Variants in PRCD observed in about 807,000 individuals in gnomAD.
PRCD encodes the protein photoreceptor disk component PRCD.
Under a neutral mutation model 10.1 loss-of-function variants are expected in PRCD, and 12 were observed. That is an observed-to-expected ratio of 1.18 (90% CI 0.76 to 1.92). The LOEUF is 1.92. PRCD is among the 40% of genes most tolerant of loss of function. PRCD has a pLI of 0.00. For missense variants in PRCD, 61 were observed against 72.2 expected (o/e 0.84, Z 0.56); for synonymous variants, 31 against 26.2 (o/e 1.18, Z -0.56).
chr17:76,530,969 G>A lies in PRCD; in HGVS notation n.45+3136G>A, dbSNP rs1377357650. 2.5e-6 allele frequency: 4 copies of A among 1,577,208 alleles called. No homozygotes were observed. The highest frequency in any genetic ancestry group is 3.4e-6 in the Non-Finnish European group (4 of 1,159,872). Reference sequence around the variant, plus strand: ...GAGGCTGCCCAGCCCACCCTCGCCCGCCTCCTCACGTGGTGGCGTTGGGGA... The same window carrying A: ...GAGGCTGCCCAGCCCACCCTCGCCCACCTCCTCACGTGGTGGCGTTGGGGA... On this transcript the variant is annotated intron_variant and non_coding_transcript_variant, in intron 1 of 4. Transcript: ENST00000397633. The surrounding 1 kb of genome is among the most constrained non-coding windows in gnomAD (Gnocchi z 6.1).
chr17:76,540,391 A>G lies in PRCD; in HGVS notation c.75-114A>G. ...CAGAGCAGGGGGACTTAGAGCTTCAAAGGCTCTAGTTGCAGCCTCTACTCC... is the reference window on the plus strand; with the variant it reads ...CAGAGCAGGGGGACTTAGAGCTTCAGAGGCTCTAGTTGCAGCCTCTACTCC... On this transcript the variant is annotated intron_variant, in intron 1 of 4. Coordinates refer to ENST00000592014, the MANE Select transcript of PRCD (RefSeq NM_001077620.3). The surrounding 1 kb of genome is among the most constrained non-coding windows in gnomAD (Gnocchi z 5.0). 3.0e-6 allele frequency: 4 copies of G among 1,334,962 alleles called. No individual in the cohort carries two copies. The highest frequency in any genetic ancestry group is 3.2e-6 in the Non-Finnish European group (3 of 928,846). The allele number at this position is 1,334,962 out of a possible 1,614,324, so 82.7% of individuals were successfully genotyped here.
In PRCD at chr17:76,528,701, GCTC is replaced by G; in HGVS notation, n.45+869_45+871del. 1 of 1,175,988 alleles carries G rather than the reference GCTC, an allele frequency of 8.5e-7. No individual in the cohort carries two copies. Among genetic ancestry groups the G allele is most frequent in the Non-Finnish European group, 1.1e-6 (1 of 922,404 alleles). 72.8% of individuals were successfully genotyped at this position (1,175,988 alleles called of 1,614,324 possible). On this transcript the variant is annotated intron_variant and non_coding_transcript_variant, in intron 1 of 4. Coordinates refer to the PRCD transcript ENST00000397633. The surrounding 1 kb of genome is among the most constrained non-coding windows in gnomAD (Gnocchi z 5.8). ...AGGGGGAGGACCTGGGGCTGGCGAG[GCTC>G]ACTTCCTGCCAAGAGATCCGGCACA...
chr17:76,539,341 T>C (rs1567910398), upstream of PRCD, among the ~76,000 whole-genome samples: 3 of 152,240 alleles, frequency 2.0e-5, no homozygotes, highest in Non-Finnish European at 4.4e-5. Flanking sequence ...AAATGTAATA[T>C]AGTCGTATGG....
chr17:76,527,655 G>A (rs1474689859), upstream of PRCD: 3 of 453,956 alleles, frequency 6.6e-6, no homozygotes, highest in Non-Finnish European at 1.3e-5. Context: ...GGAGCTGAGG[G>A]TGAGACCCAG....
Position 76,530,959 on chromosome 17 carries a change from A to G in PRCD, n.45+3126A>G. Reference sequence around the variant, plus strand: ...ACATGGCGGGGAGGCTGCCCAGCCCACCCTCGCCCGCCTCCTCACGTGGTG... The same window carrying G: ...ACATGGCGGGGAGGCTGCCCAGCCCGCCCTCGCCCGCCTCCTCACGTGGTG... On this transcript the variant is annotated intron_variant and non_coding_transcript_variant, in intron 1 of 4. Transcript: ENST00000397633. The surrounding 1 kb of genome is among the most constrained non-coding windows in gnomAD (Gnocchi z 6.1). 1 of 1,553,958 alleles carries G rather than the reference A, an allele frequency of 6.4e-7. No homozygotes were observed.
chr17:76,540,647 A>C lies in PRCD; in HGVS notation c.143+74A>C. On this transcript the variant is annotated intron_variant, in intron 2 of 4. Transcript: ENST00000592014. The surrounding 1 kb of genome is among the most constrained non-coding windows in gnomAD (Gnocchi z 5.0). The stretch of plus-strand genomic sequence containing the variant: ...TGTGGCTGTGCATGCCTGGGGGTGC[A>C]CGTGTGTGCCTGTGCGCGCCTGTGC... The C allele has an allele frequency of 6.8e-7, 1 of 1,470,182 alleles. No homozygotes were observed. Among genetic ancestry groups the C allele is most frequent in the Non-Finnish European group, 9.5e-7 (1 of 1,055,130 alleles). 91.1% of individuals were successfully genotyped at this position (1,470,182 alleles called of 1,614,324 possible).
upstream of PRCD, chr17:76,537,316 C>A: frequency 7.2e-7 from 1 of 1,393,348 alleles, no homozygotes; most frequent in Non-Finnish European, 9.3e-7. Context: ...GGCGCTGGAG[C>A]TCGGACCCGG....
rs963184561 is a variant in PRCD at position 76,544,990 on chromosome 17, C to T, written c.*1340C>T. The T allele has an allele frequency of 2.9e-5, 13 of 450,572 alleles. No homozygotes were observed. The highest frequency in any genetic ancestry group is 7.2e-5 in the East Asian group (1 of 13,864). 27.9% of individuals were successfully genotyped at this position (450,572 alleles called of 1,614,324 possible). On this transcript the variant is annotated 3_prime_UTR_variant, in exon 5 of 5. Coordinates refer to ENST00000592014, the MANE Select transcript of PRCD (RefSeq NM_001077620.3). ...GAAAAAGAGAGGAAGGGGCTGCTGG[C>T]GGCCAGCGGGGCTGTGGCTGCCTGG...
rs1394640993 is a variant in PRCD at position 76,531,427 on chromosome 17, G to A, written n.45+3594G>A. 4.4e-6 allele frequency: 7 copies of A among 1,590,012 alleles called. No individual in the cohort carries two copies. The highest frequency in any genetic ancestry group is 1.3e-5 in the African/African-American group (1 of 74,562). Reference sequence around the variant, plus strand: ...CTGCAGATGGCCATGACGCGTGGGCGGTGGGGGCTCTGCAGCAGATGGGGG... The same window carrying A: ...CTGCAGATGGCCATGACGCGTGGGCAGTGGGGGCTCTGCAGCAGATGGGGG... On this transcript the variant is annotated intron_variant and non_coding_transcript_variant, in intron 1 of 4. Coordinates refer to the PRCD transcript ENST00000397633. The surrounding 1 kb of genome is among the most constrained non-coding windows in gnomAD (Gnocchi z 7.4).
chr17:76,528,955 C>T lies in PRCD; in HGVS notation n.45+1122C>T. The T allele has an allele frequency of 3.7e-6, 4 of 1,073,262 alleles. No individual in the cohort carries two copies. Among genetic ancestry groups the T allele is most frequent in the Non-Finnish European group, 4.5e-6 (4 of 887,612 alleles). 66.5% of individuals were successfully genotyped at this position (1,073,262 alleles called of 1,614,324 possible). A position where few individuals can be genotyped will look rare whatever the true frequency, so the allele number is the denominator to read the frequency against. On this transcript the variant is annotated intron_variant and non_coding_transcript_variant, in intron 1 of 4. Transcript: ENST00000397633. This position sits in a 1 kb window ranked among gnomAD's most constrained non-coding sequence, Gnocchi z 5.8. ...TTTCCATTAATTCTGAAACGTGGCG[C>T]ATTCTGTCCGGCCTGTCTCGTCCCT...
chr17:76,528,568 GTT>G lies in PRCD; in HGVS notation n.45+736_45+737del. ...AGGTGCTGCCAGGGAGGGGGGTGGA[GTT>G]AGGGGTCCTACGGCCCCGAAGAGGG... is the stretch of plus-strand genomic sequence containing the variant. On this transcript the variant is annotated intron_variant and non_coding_transcript_variant, in intron 1 of 4. Coordinates refer to the PRCD transcript ENST00000397633. This position sits in a 1 kb window ranked among gnomAD's most constrained non-coding sequence, Gnocchi z 5.8. 7.7e-7 allele frequency: 1 copy of G among 1,290,756 alleles called. No individual in the cohort carries two copies. Among genetic ancestry groups the G allele is most frequent in the Non-Finnish European group, 9.9e-7 (1 of 1,011,698 alleles). 80.0% of individuals were successfully genotyped at this position (1,290,756 alleles called of 1,614,324 possible).
In PRCD at chr17:76,540,668, T is replaced by A; in HGVS notation, c.143+95T>A. ...GTGCACGTGTGTGCCTGTGCGCGCC[T>A]GTGCGTGCACCGTATCCTGGCCCTT... On this transcript the variant is annotated intron_variant, in intron 2 of 4. Coordinates refer to ENST00000592014, the MANE Select transcript of PRCD (RefSeq NM_001077620.3). The surrounding 1 kb of genome is among the most constrained non-coding windows in gnomAD (Gnocchi z 5.0). 3 of 1,253,968 alleles carry A rather than the reference T, an allele frequency of 2.4e-6. No individual in the cohort carries two copies. The highest frequency in any genetic ancestry group is 1.5e-5 in the African/African-American group (1 of 67,902). 77.7% of individuals were successfully genotyped at this position (1,253,968 alleles called of 1,614,324 possible). A position where few individuals can be genotyped will look rare whatever the true frequency, so the allele number is the denominator to read the frequency against.
Position 76,531,501 on chromosome 17 carries a change from C to CT in PRCD, n.45+3671dup. On this transcript the variant is annotated intron_variant and non_coding_transcript_variant, in intron 1 of 4. Transcript: ENST00000397633. The surrounding 1 kb of genome is among the most constrained non-coding windows in gnomAD (Gnocchi z 7.4). Reference sequence around the variant, plus strand: ...TCCACCTTGTGCTTGAGGGCGTGGGCTTTCCCCACAAGGGCGAGCACAGAG... The same window carrying CT: ...TCCACCTTGTGCTTGAGGGCGTGGGCTTTTCCCCACAAGGGCGAGCACAGAG... The CT allele has an allele frequency of 6.2e-7, 1 of 1,613,342 alleles. No homozygotes were observed.
chr17:76,529,442 G>A, intron 1 of PRCD: 1 of 985,478 alleles, frequency 1.0e-6, no homozygotes, highest in Non-Finnish European at 1.2e-6. Flanking sequence ...TTAGTCCCTA[G>A]GGCAGGGTGG....
chr17:76,547,738 C>CAT (rs1168455819), downstream of PRCD, among the ~76,000 whole-genome samples: 1 of 150,744 alleles, frequency 6.6e-6, no homozygotes, highest in African/African-American at 2.5e-5. Flanking sequence ...CACACACACA[C>CAT]ATACACAAAC....
chr17:76,534,134 C>CTT (rs771785948), intron 1 of PRCD, among the ~76,000 whole-genome samples: 7,220 of 129,690 alleles, frequency 0.056, 227 homozygotes, highest in Non-Finnish European at 0.079. Context: ...TTCTTTCTCT[C>CTT]TCTCTTTCTC....
rs990873381 is a variant in PRCD at position 76,540,289 on chromosome 17, G to A, written c.74+74G>A. The A allele has an allele frequency of 6.8e-7, 1 of 1,462,436 alleles. No homozygotes were observed. Among genetic ancestry groups the A allele is most frequent in the African/African-American group, 1.4e-5 (1 of 71,146 alleles). 90.6% of individuals were successfully genotyped at this position (1,462,436 alleles called of 1,614,324 possible). A position where few individuals can be genotyped will look rare whatever the true frequency, so the allele number is the denominator to read the frequency against. On this transcript the variant is annotated intron_variant, in intron 1 of 4. Coordinates refer to ENST00000592014, the MANE Select transcript of PRCD (RefSeq NM_001077620.3). The surrounding 1 kb of genome is among the most constrained non-coding windows in gnomAD (Gnocchi z 5.0). ...CATGGGGCTGGGCTGCCACCAAGCTGAAGGTGGGCAGGGGCTGCGTGAACC... is the reference window on the plus strand; with the variant it reads ...CATGGGGCTGGGCTGCCACCAAGCTAAAGGTGGGCAGGGGCTGCGTGAACC...
downstream of PRCD, among the ~76,000 whole-genome samples, chr17:76,549,017 C>T (rs1018047448): frequency 6.6e-6 from 1 of 152,178 alleles, no homozygotes; most frequent in Non-Finnish European, 1.5e-5. Flanking sequence ...TAAGGATATA[C>T]ACACAGATCA....
At chr17:76,534,146 T>TTCTCTCTCTCTTTC (rs2074886183) in intron 1 of PRCD, among the ~76,000 whole-genome samples, 1 of 128,902 alleles carries the variant, frequency 7.8e-6, no homozygotes, top group Admixed American at 8.4e-5. Flanking sequence ...CTCTTTCTCT[T>TTCTCTCTCTCTTTC]TCTCTCTCTC....
Sources: allele counts gnomAD v4.1 joint callset (sites outside exome capture counted in the v4.1 genomes callset), GRCh38; gene constraint gnomAD v4.1.1; non-coding constraint Gnocchi (gnomAD v3.1); transcripts MANE v1.5; gene names NCBI Gene and HGNC (gene_info 2026-07-23, HGNC 2026-07-21).